Variants in CNTN5 observed in about 807,000 individuals in gnomAD.
The protein encoded by CNTN5 is contactin-5.
CNTN5 carries 77 observed loss-of-function variants against 129.1 expected under a neutral mutation model. The ratio of observed to expected loss-of-function variants is 0.60; its 90% CI spans 0.50 to 0.72. The LOEUF (loss-of-function observed/expected upper bound fraction) is 0.72, where lower values mean the gene tolerates loss of function less well. Ranked by LOEUF, CNTN5 falls within the 30% of genes least tolerant of loss-of-function variation. CNTN5 has a pLI of 0.00. For synonymous variants in CNTN5, 509 were observed against 465.6 expected (o/e 1.09, Z -1.20); for missense variants, 1,478 against 1,328.8 (o/e 1.11, Z -1.75).
chr11:99,648,536 C>G (rs1017411723), intron 3 of CNTN5, among the ~76,000 whole-genome samples: 11 of 151,786 alleles, frequency 7.2e-5, no homozygotes, highest in African/African-American at 2.7e-4. Flanking sequence ...AAAAATAGCA[C>G]TACCATATGA....
intron 13 of CNTN5, among the ~76,000 whole-genome samples, chr11:100,102,989 T>C (rs1945281480): frequency 6.6e-6 from 1 of 152,170 alleles, no homozygotes. Context: ...TATTAACTTA[T>C]TTCACCTTTC....
At chr11:99,645,686 A>G (rs1418148966) in intron 3 of CNTN5, among the ~76,000 whole-genome samples, 5 of 152,154 alleles carry the variant, frequency 3.3e-5, no homozygotes, top group Non-Finnish European at 7.3e-5. Flanking sequence ...TTCTCAGGAA[A>G]CTAACACAGG....
At chr11:99,957,450 T>C (rs984566434) in intron 8 of CNTN5, among the ~76,000 whole-genome samples, 1 of 152,202 alleles carries the variant, frequency 6.6e-6, no homozygotes, top group Non-Finnish European at 1.5e-5. Flanking sequence ...TTGTGATTAT[T>C]ACTTTTCCAA....
chr11:99,646,443 C>G (rs1244847299), intron 3 of CNTN5, among the ~76,000 whole-genome samples: 1 of 152,106 alleles, frequency 6.6e-6, no homozygotes, highest in Non-Finnish European at 1.5e-5. Flanking sequence ...TTTCTACAAT[C>G]TATCAGAATA....
At chr11:99,651,091 G>A (rs1952138297) in intron 3 of CNTN5, among the ~76,000 whole-genome samples, 1 of 151,850 alleles carries the variant, frequency 6.6e-6, no homozygotes, top group Admixed American at 6.6e-5. Context: ...AATCAAGATG[G>A]GACTCTGTCC....
chr11:99,334,110 A>T (rs1866119720), intron 2 of CNTN5, among the ~76,000 whole-genome samples: 1 of 150,916 alleles, frequency 6.6e-6, no homozygotes, highest in African/African-American at 2.4e-5. Flanking sequence ...CTTGAGTGAT[A>T]AAAATCCTGT....
At chr11:100,334,409 A>G (rs139151001) in intron 21 of CNTN5, among the ~76,000 whole-genome samples, 625 of 152,310 alleles carry the variant, frequency 4.1e-3, no homozygotes, top group Non-Finnish European at 5.1e-3. Context: ...CTACCATTTG[A>G]TCCAGCTATC....
intron 13 of CNTN5, among the ~76,000 whole-genome samples, chr11:100,084,049 C>CTT (rs1379683546): frequency 6.6e-6 from 1 of 152,062 alleles, no homozygotes; most frequent in African/African-American, 2.4e-5. Context: ...CAGTTTTTGA[C>CTT]TTTACATGTT....
chr11:100,075,368 C>A (rs1477430862), intron 13 of CNTN5, among the ~76,000 whole-genome samples: 1 of 152,196 alleles, frequency 6.6e-6, no homozygotes, highest in East Asian at 1.9e-4. Flanking sequence ...GGCACTCTTA[C>A]ACCAAAAGAC....
intron 1 of CNTN5, among the ~76,000 whole-genome samples, chr11:99,176,095 T>G (rs1857758455): frequency 2.6e-5 from 4 of 152,220 alleles, no homozygotes; most frequent in Admixed American, 2.6e-4. Flanking sequence ...CTAAACCCAA[T>G]GGCAAATACT....
At chr11:99,422,886 A>G (rs759676156) in intron 2 of CNTN5, among the ~76,000 whole-genome samples, 39 of 152,126 alleles carry the variant, frequency 2.6e-4, no homozygotes, top group Non-Finnish European at 5.1e-4. Context: ...TAAACTTCCA[A>G]TTTAAGACTT....
At chr11:99,153,407 C>T (rs1860168896) in intron 1 of CNTN5, among the ~76,000 whole-genome samples, 1 of 150,806 alleles carries the variant, frequency 6.6e-6, no homozygotes, top group South Asian at 2.1e-4. Flanking sequence ...ATTCTTTCCT[C>T]AACTTAGTTG....
intron 1 of CNTN5, among the ~76,000 whole-genome samples, chr11:99,272,444 T>C (rs1393171465): frequency 6.6e-6 from 1 of 151,812 alleles, no homozygotes; most frequent in Non-Finnish European, 1.5e-5. Flanking sequence ...CCACAGGGTC[T>C]TGCTGTGTTA....
At chr11:99,489,764 A>G (rs1009951769) in intron 2 of CNTN5, among the ~76,000 whole-genome samples, 6 of 152,210 alleles carry the variant, frequency 3.9e-5, no homozygotes, top group Non-Finnish European at 1.5e-5. Context: ...AGATGTTATC[A>G]TATTCCTACT....
chr11:99,062,459 G>A (rs925895532), intron 1 of CNTN5, among the ~76,000 whole-genome samples: 33 of 151,948 alleles, frequency 2.2e-4, no homozygotes, highest in Non-Finnish European at 3.4e-4. Context: ...TTTGCCACTG[G>A]TATGATGTAT....
intron 3 of CNTN5, among the ~76,000 whole-genome samples, chr11:99,719,386 G>T (rs1943091751): frequency 6.6e-6 from 1 of 152,004 alleles, no homozygotes; most frequent in African/African-American, 2.4e-5. Context: ...CTTTCCTTAG[G>T]AGCTTATGTG....
At chr11:100,068,998 C>G (rs1052849135) in intron 10 of CNTN5, among the ~76,000 whole-genome samples, 11 of 152,128 alleles carry the variant, frequency 7.2e-5, no homozygotes, top group Non-Finnish European at 1.5e-4. Flanking sequence ...GAGAATTTGG[C>G]TCAGTGTCTA....
intron 3 of CNTN5, among the ~76,000 whole-genome samples, chr11:99,807,642 A>T (rs2135505090): frequency 6.6e-6 from 1 of 152,218 alleles, no homozygotes; most frequent in African/African-American, 2.4e-5. Flanking sequence ...AGCCTCCTAA[A>T]TAGCTGGTAT....
intron 10 of CNTN5, among the ~76,000 whole-genome samples, chr11:100,066,770 C>T (rs112750190): frequency 1.3e-5 from 2 of 150,522 alleles, no homozygotes; most frequent in African/African-American, 4.9e-5. Flanking sequence ...TTGGCATCTG[C>T]TCACCCCATG....
Sources: allele counts gnomAD v4.1 joint callset (sites outside exome capture counted in the v4.1 genomes callset), GRCh38; gene constraint gnomAD v4.1.1; transcripts MANE v1.5; gene names NCBI Gene and HGNC (gene_info 2026-07-23, HGNC 2026-07-21).